Variants in UTRN observed in about 807,000 individuals in gnomAD.
UTRN encodes the protein utrophin.
Under a neutral mutation model 463.9 loss-of-function variants are expected in UTRN, and 283 were observed. The ratio of observed to expected loss-of-function variants is 0.61; its 90% confidence interval spans 0.55 to 0.67. The LOEUF (loss-of-function observed/expected upper bound fraction) is 0.67. Ranked by LOEUF, UTRN falls within the 30% of genes least tolerant of loss-of-function variation. The pLI is 0.00. For synonymous variants in UTRN, 1,442 were observed against 1,431.5 expected, an observed-to-expected ratio of 1.01 and a Z score of -0.17; for missense variants, 3,922 against 4,084.3, an observed-to-expected ratio of 0.96 and a Z score of 1.08.
chr6:144,557,591 C>T (rs1267490301), intron 50 of UTRN, among the ~76,000 whole-genome samples: 1 of 151,808 alleles, frequency 6.6e-6, no homozygotes, highest in Non-Finnish European at 1.5e-5. Flanking sequence ...GTCTTACGCT[C>T]TCAGTATTAT....
At chr6:144,483,699 T>A (rs1431461330) in intron 27 of UTRN, among the ~76,000 whole-genome samples, 1 of 152,226 alleles carries the variant, frequency 6.6e-6, no homozygotes, top group Non-Finnish European at 1.5e-5. Flanking sequence ...TCCTCCTGCC[T>A]TGGCCTACCA....
chr6:144,691,449 A>G (rs1783408019), intron 52 of UTRN, among the ~76,000 whole-genome samples: 1 of 152,168 alleles, frequency 6.6e-6, no homozygotes, highest in African/African-American at 2.4e-5. Flanking sequence ...CACATCCTAA[A>G]GTATTTTCAA....
At chr6:144,395,039 T>G (rs1018893347) in intron 2 of UTRN, among the ~76,000 whole-genome samples, 2 of 152,172 alleles carry the variant, frequency 1.3e-5, no homozygotes. Context: ...TTGCTTTTTC[T>G]TGAGATTTCT....
chr6:144,563,416 A>G (rs1189701754), intron 50 of UTRN, among the ~76,000 whole-genome samples: 2 of 152,180 alleles, frequency 1.3e-5, no homozygotes, highest in Non-Finnish European at 2.9e-5. Flanking sequence ...AACAGTGATC[A>G]GTAGAAGATA....
chr6:144,485,461 G>A lies in UTRN; in HGVS notation c.3764G>A (p.Arg1255Gln), dbSNP rs752470080. The A allele has an allele frequency of 2.3e-5, 37 of 1,614,080 alleles. No homozygotes were observed. Among genetic ancestry groups the A allele is most frequent in the African/African-American group, 9.3e-5 (7 of 74,928 alleles). ...ACCTGGTTAAACACTTTGGAAGAGC[G>A]GATGAAGAGCACAGAGGTCCTGCCT... Reference protein sequence around the residue: ...ETTWLNTLEERMKSTEVLPEK... With the variant: ...ETTWLNTLEEQMKSTEVLPEK... The change falls in exon 28 of 75, where the codon CGG (arginine) becomes CAG (glutamine). Residue 1255 changes from arginine (R) to glutamine (Q), a missense_variant. Transcript: ENST00000367545.
chr6:144,451,705 T>G (rs1314667809), intron 18 of UTRN, among the ~76,000 whole-genome samples: 2 of 152,082 alleles, frequency 1.3e-5, no homozygotes, highest in Non-Finnish European at 2.9e-5. Flanking sequence ...TTTTTCATCT[T>G]TGTCAGTCAC....
At chr6:144,488,946 A>G in intron 30 of UTRN, 112 bp downstream of exon 30, 1 of 1,090,672 alleles carries the variant, frequency 9.2e-7, no homozygotes, top group Non-Finnish European at 1.2e-6. Flanking sequence ...AATGGGAAAG[A>G]TTGACCTTAC....
intron 37 of UTRN, among the ~76,000 whole-genome samples, chr6:144,515,487 T>G (rs1795539117): frequency 1.3e-5 from 2 of 152,132 alleles, no homozygotes; most frequent in Non-Finnish European, 2.9e-5. Context: ...TGTTTTTTTT[T>G]TTGTTTTATA....
At chr6:144,799,406 G>C (rs1431059023) in intron 64 of UTRN, 2 of 471,012 alleles carry the variant, frequency 4.2e-6, no homozygotes, top group South Asian at 3.1e-5. Context: ...CATTAGCCTG[G>C]CAGACAGCTA....
At chr6:144,674,469 T>C (rs1338931378) in intron 51 of UTRN, among the ~76,000 whole-genome samples, 3 of 152,012 alleles carry the variant, frequency 2.0e-5, no homozygotes, top group African/African-American at 7.2e-5. Context: ...TTTCTCTGAG[T>C]GTGTCTTTCA....
At position 144,690,439 on chromosome 6, in the gene UTRN, A is replaced by G. The variant is rs376922203; in HGVS notation, c.7653-9648A>G. Among the ~76,000 whole-genome samples the G allele has an allele frequency of 4.5e-4, 69 of 152,144 alleles. 2 individuals are homozygous for G. The highest frequency in any genetic ancestry group is 1.5e-3 in the African/African-American group (62 of 41,512). Reference sequence around the variant, plus strand: ...GCAAAGTTCCAGCCAGTCTGCACTGAAACTCAAAACTGCCCCAGATCATAA... The same window carrying G: ...GCAAAGTTCCAGCCAGTCTGCACTGGAACTCAAAACTGCCCCAGATCATAA... On this transcript the variant is annotated intron_variant, in intron 52 of 74. Coordinates refer to ENST00000367545, the MANE Select transcript of UTRN (RefSeq NM_007124.3).
At chr6:144,413,247 A>G (rs908266430) in intron 3 of UTRN, among the ~76,000 whole-genome samples, 5 of 152,220 alleles carry the variant, frequency 3.3e-5, no homozygotes, top group African/African-American at 9.6e-5. Flanking sequence ...AAAAATTCCC[A>G]TAGCTTAGTG....
intron 58 of UTRN, among the ~76,000 whole-genome samples, chr6:144,760,340 GCCACTATTTTAA>G (rs1792515150): frequency 6.6e-6 from 1 of 151,974 alleles, no homozygotes; most frequent in Non-Finnish European, 1.5e-5. Flanking sequence ...TATAATGATG[GCCACTATTTTAA>G]ATAATAACGT....
chr6:144,631,226 TGA>T (rs139644013), intron 51 of UTRN, among the ~76,000 whole-genome samples: 24 of 138,940 alleles, frequency 1.7e-4, no homozygotes, highest in African/African-American at 4.1e-4. Flanking sequence ...TGTGTGTGTG[TGA>T]GAGAGAGAGG....
chr6:144,785,575 G>C (rs1002693771), intron 61 of UTRN, among the ~76,000 whole-genome samples: 2 of 151,806 alleles, frequency 1.3e-5, no homozygotes, highest in African/African-American at 2.4e-5. Context: ...ATTTTAACAT[G>C]TACCCACCTC....
intron 2 of UTRN, among the ~76,000 whole-genome samples, chr6:144,307,030 A>C (rs975098610): frequency 1.2e-4 from 18 of 150,804 alleles, no homozygotes; most frequent in African/African-American, 3.7e-4. Context: ...ACATCACTGC[A>C]CTCCAGCCTG....
rs590329 is a variant in UTRN at position 144,286,171 on chromosome 6, A to G, written c.-93+350A>G. Among the ~76,000 whole-genome samples, 87,328 of 152,080 alleles carry G rather than the reference A, an allele frequency of 0.57. 26,193 individuals are homozygous for G. Among genetic ancestry groups the G allele is most frequent in the African/African-American group, 0.77 (31,820 of 41,478 alleles). On this transcript the variant is annotated intron_variant, in intron 1 of 74. Coordinates refer to ENST00000367545, the MANE Select transcript of UTRN (RefSeq NM_007124.3). The surrounding 1 kb of genome is among the most constrained non-coding windows in gnomAD (Gnocchi z 4.4). ...ATCTTCCTCCCCGCCGGGGTGACAGAGTCGCCCTCCGTGCATCGCGCGGTG... is the reference window on the plus strand; with the variant it reads ...ATCTTCCTCCCCGCCGGGGTGACAGGGTCGCCCTCCGTGCATCGCGCGGTG...
intron 46 of UTRN, among the ~76,000 whole-genome samples, chr6:144,547,117 GTGGA>G (rs1798488057): frequency 6.6e-6 from 1 of 152,194 alleles, no homozygotes; most frequent in Admixed American, 6.5e-5. Flanking sequence ...TGGTGGTCCT[GTGGA>G]TGTAGGGTAT....
intron 2 of UTRN, chr6:144,333,052 A>G (rs899093577): frequency 2.0e-5 from 3 of 152,026 alleles, no homozygotes; most frequent in African/African-American, 7.2e-5. Flanking sequence ...CTCCTGCCTT[A>G]GTCTCCCAAG....
Sources: allele counts gnomAD v4.1 joint callset (sites outside exome capture counted in the v4.1 genomes callset), GRCh38; gene constraint gnomAD v4.1.1; non-coding constraint Gnocchi (gnomAD v3.1); transcripts MANE v1.5; gene names NCBI Gene and HGNC (gene_info 2026-07-23, HGNC 2026-07-21).